PKNOX2: variants seen among roughly 807,000 people sequenced by gnomAD.
PKNOX2 encodes PBX/knotted 1 homeobox 2, also known as homeobox protein PKNOX2.
In PKNOX2, 14 loss-of-function variants were observed where a neutral mutation model predicts 53.1. The ratio of observed to expected loss-of-function variants is 0.26; its 90% CI spans 0.17 to 0.41. The LOEUF (loss-of-function observed/expected upper bound fraction) is 0.41, where lower values mean the gene tolerates loss of function less well. Ranked by LOEUF, PKNOX2 falls within the 10% of genes least tolerant of loss-of-function variation. PKNOX2 has a pLI of 1.00. For synonymous variants in PKNOX2, 257 were observed against 242.8 expected (o/e 1.06, Z -0.54); for missense variants, 496 against 602.8 (o/e 0.82, Z 1.85).
chr11:125,365,115 A>G (rs58286995), intron 4 of PKNOX2, among the ~76,000 whole-genome samples: 23,794 of 152,006 alleles, frequency 0.16, 3,726 homozygotes, highest in African/African-American at 0.41. Flanking sequence ...CTCCTCCTTC[A>G]GATATTCAAA....
chr11:125,338,287 A>C (rs1184597914), intron 3 of PKNOX2, among the ~76,000 whole-genome samples: 6 of 152,216 alleles, frequency 3.9e-5, no homozygotes, highest in African/African-American at 7.2e-5. Flanking sequence ...CAAGTGCCTC[A>C]TTAAGTGAGC....
chr11:125,422,332 G>T lies in PKNOX2; in HGVS notation c.937-6680G>T, dbSNP rs922314152. Among the ~76,000 whole-genome samples, 2 of 152,128 alleles carry T rather than the reference G, an allele frequency of 1.3e-5. No homozygotes were observed. Among genetic ancestry groups the T allele is most frequent in the Non-Finnish European group, 1.5e-5 (1 of 68,006 alleles). On this transcript the variant is annotated intron_variant, in intron 10 of 12. Transcript: ENST00000298282. This position sits in a 1 kb window ranked among gnomAD's most constrained non-coding sequence, Gnocchi z 4.1. The stretch of plus-strand genomic sequence containing the variant: ...GGAGGAAGGAGGTCAGGCCAGCTGG[G>T]TTCTTGGTTACATTTCTCTCTTTGT...
chr11:125,417,196 C>T (rs1401767535), intron 10 of PKNOX2, among the ~76,000 whole-genome samples: 1 of 152,034 alleles, frequency 6.6e-6, no homozygotes, highest in East Asian at 1.9e-4. Flanking sequence ...CCATCCCCAG[C>T]TTCTACTCCA....
intron 1 of PKNOX2, among the ~76,000 whole-genome samples, chr11:125,228,642 G>A (rs1941930546): frequency 6.6e-6 from 1 of 152,136 alleles, no homozygotes. Flanking sequence ...GAGCCGGAGT[G>A]GTATGTGGCC....
At chr11:125,351,613 T>G (rs777552856) in intron 4 of PKNOX2, among the ~76,000 whole-genome samples, 1 of 152,124 alleles carries the variant, frequency 6.6e-6, no homozygotes, top group Non-Finnish European at 1.5e-5. Flanking sequence ...CCCCAGGAGC[T>G]AGGACTGGAA....
rs1956626044 is a variant in PKNOX2, at chr11:125,430,124, C to G, written c.1175C>G (p.Pro392Arg). Residue 392 changes from proline (P) to arginine (R), a missense_variant, in exon 12 of 13, where the codon CCA becomes CGA. Around this residue, in one of 5 missense-constraint regions of PKNOX2, gnomAD observed 139 missense variants for 161.3 expected, o/e 0.86. Coordinates refer to ENST00000298282, the MANE Select transcript of PKNOX2 (RefSeq NM_001382323.2). ...GTGCTGCAGCAGCAGGGCGGTGCCC[C>G]AGGGACAAACCCCGATGGTAAGAAC... The part of the protein sequence containing the change: ...AGVLQQQGGA[P>R]GTNPDGSINL... 11 of 1,614,004 alleles carry G rather than the reference C, an allele frequency of 6.8e-6. No individual in the cohort carries two copies. Among genetic ancestry groups the G allele is most frequent in the Non-Finnish European group, 9.3e-6 (11 of 1,179,916 alleles).
chr11:125,231,905 C>T (rs1311921218), intron 1 of PKNOX2, among the ~76,000 whole-genome samples: 5 of 152,174 alleles, frequency 3.3e-5, no homozygotes, highest in East Asian at 3.8e-4. Flanking sequence ...TATCAGCCTT[C>T]GAATGCTGTT....
intron 10 of PKNOX2, among the ~76,000 whole-genome samples, chr11:125,413,532 G>A (rs916317867): frequency 2.5e-4 from 38 of 152,316 alleles, no homozygotes; most frequent in Admixed American, 1.7e-3. Context: ...CCAACTGCTC[G>A]TGGAGCTAAG....
In PKNOX2 at chr11:125,360,094, C is replaced by T. The variant is rs146887083; in HGVS notation, c.88-7752C>T. Among the ~76,000 whole-genome samples, 1,281 of 148,550 alleles carry T rather than the reference C, an allele frequency of 8.6e-3. 19 individuals carry two copies. Among genetic ancestry groups the T allele is most frequent in the African/African-American group, 0.03 (1,223 of 40,242 alleles). ...CCAGGAGGCAGAGGTTGCGGTGAGC[C>T]GAGATGGTGCCATTGCACTCCAGCC... is the stretch of plus-strand genomic sequence containing the variant. On this transcript the variant is annotated intron_variant, in intron 4 of 12. Coordinates refer to ENST00000298282, the MANE Select transcript of PKNOX2 (RefSeq NM_001382323.2).
At chr11:125,251,791 T>TAC (rs1944023686) in intron 2 of PKNOX2, among the ~76,000 whole-genome samples, 1 of 148,144 alleles carries the variant, frequency 6.8e-6, no homozygotes, top group Non-Finnish European at 1.5e-5. Flanking sequence ...TATAAATATA[T>TAC]ATATATATTA....
chr11:125,215,301 G>A (rs1313258780), intron 1 of PKNOX2, among the ~76,000 whole-genome samples: 1 of 152,076 alleles, frequency 6.6e-6, no homozygotes, highest in East Asian at 1.9e-4. Context: ...GAGGGCTCAG[G>A]ACTGTGAGTT....
At chr11:125,287,203 G>A (rs902818307) in intron 2 of PKNOX2, among the ~76,000 whole-genome samples, 1 of 152,226 alleles carries the variant, frequency 6.6e-6, no homozygotes, top group East Asian at 1.9e-4. Context: ...TTAGGGTTGT[G>A]TAGCTGGTAA....
chr11:125,267,061 A>G (rs755245630), intron 2 of PKNOX2, among the ~76,000 whole-genome samples: 45 of 152,116 alleles, frequency 3.0e-4, no homozygotes, highest in Non-Finnish European at 5.7e-4. Flanking sequence ...CCTTGCTATC[A>G]TTGTCTGTTT....
rs148562109 is a variant in PKNOX2, at chr11:125,231,215, C to T, written c.-200-3830C>T. On this transcript the variant is annotated intron_variant, in intron 1 of 12. Transcript: ENST00000298282. Reference sequence around the variant, plus strand: ...GTGTCAGACCTATGGCTTTGCTAAACCCCCAGCTAATCTTCCTCTTTACCT... The same window carrying T: ...GTGTCAGACCTATGGCTTTGCTAAATCCCCAGCTAATCTTCCTCTTTACCT... 3.3e-3 allele frequency among the ~76,000 whole-genome samples: 498 copies of T among 152,320 alleles called. 2 individuals carry two copies. Among genetic ancestry groups the T allele is most frequent in the African/African-American group, 0.012 (482 of 41,572 alleles).
At chr11:125,275,541 C>A (rs966927081) in intron 2 of PKNOX2, among the ~76,000 whole-genome samples, 1 of 152,044 alleles carries the variant, frequency 6.6e-6, no homozygotes, top group African/African-American at 2.4e-5. Flanking sequence ...GTAAAGGGGG[C>A]TGGTGGAGGC....
At chr11:125,411,037 G>A (rs1164300306) in intron 9 of PKNOX2, 161 bp downstream of exon 9, 1 of 640,738 alleles carries the variant, frequency 1.6e-6, no homozygotes, top group Non-Finnish European at 2.7e-6. Context: ...CTGGGTCTTG[G>A]AAAGGTTTTA....
At chr11:125,368,882 A>G (rs1952347917) in intron 5 of PKNOX2, among the ~76,000 whole-genome samples, 1 of 152,218 alleles carries the variant, frequency 6.6e-6, no homozygotes, top group African/African-American at 2.4e-5. Flanking sequence ...GTCTGCACTC[A>G]GTATTGAGGC....
chr11:125,178,864 C>T (rs533771662), intron 1 of PKNOX2, among the ~76,000 whole-genome samples: 47 of 152,170 alleles, frequency 3.1e-4, no homozygotes, highest in African/African-American at 1.1e-3. Context: ...CCCAGGAAAA[C>T]GTACCTCCTG....
At chr11:125,404,635 AAC>A (rs201046684) in intron 7 of PKNOX2, among the ~76,000 whole-genome samples, 6 of 151,182 alleles carry the variant, frequency 4.0e-5, no homozygotes, top group East Asian at 2.0e-4. Context: ...CACACACACA[AAC>A]ACACACACAC....
Sources: allele counts gnomAD v4.1 joint callset (sites outside exome capture counted in the v4.1 genomes callset), GRCh38; gene constraint gnomAD v4.1.1; regional missense constraint gnomAD v4.1.1; non-coding constraint Gnocchi (gnomAD v3.1); transcripts MANE v1.5; gene names NCBI Gene and HGNC (gene_info 2026-07-23, HGNC 2026-07-21).